Variants in STK32A observed in about 807,000 individuals in gnomAD.
STK32A encodes the protein serine/threonine kinase 32A.
Under a neutral mutation model 53.2 loss-of-function variants are expected in STK32A, and 41 were observed. The observed-to-expected ratio is 0.77, with a 90% CI of 0.60 to 1.00. The LOEUF (loss-of-function observed/expected upper bound fraction) is 1.00, where lower values mean the gene tolerates loss of function less well. STK32A is among the 50% of genes least tolerant of loss of function. The pLI, the probability that STK32A is intolerant of heterozygous loss-of-function variation, is 0.00. For synonymous variants in STK32A, 166 were observed against 162.8 expected, an observed-to-expected ratio of 1.02 and a Z score of -0.15; for missense variants, 458 against 485.8, an observed-to-expected ratio of 0.94 and a Z score of 0.54.
At chr5:147,255,662 C>A (rs1029192780) in intron 2 of STK32A, among the ~76,000 whole-genome samples, 3 of 152,128 alleles carry the variant, frequency 2.0e-5, no homozygotes, top group African/African-American at 7.2e-5. Flanking sequence ...GCAAACTACC[C>A]CTCTTTCTGC....
At chr5:147,247,004 G>GT (rs1410290313) in intron 2 of STK32A, among the ~76,000 whole-genome samples, 4 of 152,152 alleles carry the variant, frequency 2.6e-5, no homozygotes, top group African/African-American at 9.7e-5. Context: ...TGATTATTAA[G>GT]TAACACTCAT....
chr5:147,315,835 T>C (rs1753966938), intron 4 of STK32A, among the ~76,000 whole-genome samples: 1 of 152,200 alleles, frequency 6.6e-6, no homozygotes, highest in Non-Finnish European at 1.5e-5. Context: ...CAGTATACCT[T>C]GTTTTTCGTA....
chr5:147,342,778 C>A, intron 5 of STK32A: 1 of 516,040 alleles, frequency 1.9e-6, no homozygotes, highest in Non-Finnish European at 3.4e-6. Flanking sequence ...GAGCCCATTT[C>A]TTCCATTTAC....
chr5:147,264,563 T>C (rs1255337378), intron 2 of STK32A, among the ~76,000 whole-genome samples: 2 of 152,350 alleles, frequency 1.3e-5, no homozygotes, highest in East Asian at 3.9e-4. Flanking sequence ...CAATTGAGCC[T>C]ACCATTTCTG....
In STK32A at chr5:147,271,081, C is replaced by T. The variant is rs367981070; in HGVS notation, c.53-7043C>T. Among the ~76,000 whole-genome samples, 11 of 152,090 alleles carry T rather than the reference C, an allele frequency of 7.2e-5. No individual in the cohort carries two copies. In the East Asian group the frequency reaches 7.7e-4, roughly 11 times the overall value. Reference sequence around the variant, plus strand: ...CACAGTCTTGGCTCACTGCAATGTCCGCCTCCTGGGTTCAAGGGTGTTGCA... The same window carrying T: ...CACAGTCTTGGCTCACTGCAATGTCTGCCTCCTGGGTTCAAGGGTGTTGCA... On this transcript the variant is annotated intron_variant, in intron 2 of 12. Transcript: ENST00000397936.
At chr5:147,383,379 T>C in intron 11 of STK32A, 62 bp from the exon 12 acceptor site, 2 of 1,395,210 alleles carry the variant, frequency 1.4e-6, no homozygotes, top group Non-Finnish European at 2.0e-6. Flanking sequence ...TTATTGGCTG[T>C]TTGAAGATTC....
chr5:147,238,101 T>C (rs912063280), intron 1 of STK32A, among the ~76,000 whole-genome samples: 1 of 152,268 alleles, frequency 6.6e-6, no homozygotes, highest in African/African-American at 2.4e-5. Context: ...TGACCATATA[T>C]GTGCTAAGCA....
intron 6 of STK32A, among the ~76,000 whole-genome samples, chr5:147,350,665 G>A (rs1755926375): frequency 6.6e-6 from 1 of 152,024 alleles, no homozygotes; most frequent in Admixed American, 6.6e-5. Context: ...ACCACGCCCA[G>A]CCTATTTGCC....
chr5:147,337,635 G>A (rs1561730322), intron 5 of STK32A, among the ~76,000 whole-genome samples: 1 of 152,036 alleles, frequency 6.6e-6, no homozygotes, highest in Non-Finnish European at 1.5e-5. Context: ...GTACTTTTAT[G>A]AGTCCAGGGG....
At chr5:147,378,092 G>C (rs929174109) in intron 11 of STK32A, among the ~76,000 whole-genome samples, 3 of 151,946 alleles carry the variant, frequency 2.0e-5, no homozygotes, top group Admixed American at 6.6e-5. Context: ...TTATTAACAT[G>C]CTCGTTCATT....
chr5:147,363,694 TC>T (rs1756617590), intron 8 of STK32A, among the ~76,000 whole-genome samples: 1 of 152,202 alleles, frequency 6.6e-6, no homozygotes, highest in Non-Finnish European at 1.5e-5. Context: ...GCTAGTATAA[TC>T]CCATCTTTAT....
chr5:147,383,038 C>T (rs572277643), intron 11 of STK32A: 139 of 195,104 alleles, frequency 7.1e-4, no homozygotes, highest in African/African-American at 3.3e-3. Context: ...CAAACTGCTC[C>T]GGAACATGTG....
At chr5:147,293,483 A>T (rs889825509) in intron 4 of STK32A, among the ~76,000 whole-genome samples, 404 of 27,482 alleles carry the variant, frequency 0.015, 2 homozygotes, top group African/African-American at 0.061. Flanking sequence ...TCGAGGTAAA[A>T]AAAAAAAAAA....
chr5:147,361,341 A>G (rs1262696276), intron 7 of STK32A, among the ~76,000 whole-genome samples, 176 bp from the exon 8 acceptor site: 1 of 152,192 alleles, frequency 6.6e-6, no homozygotes, highest in Non-Finnish European at 1.5e-5. Flanking sequence ...CTACTGAGAG[A>G]GATTAGAAAA....
intron 8 of STK32A, 68 bp downstream of exon 8, chr5:147,361,682 T>G: frequency 3.3e-4 from 293 of 880,554 alleles, no homozygotes; most frequent in Non-Finnish European, 4.3e-4. Context: ...AAAGAATGTA[T>G]TGTTTGCTAA....
At chr5:147,337,976 G>A (rs1023331579) in intron 5 of STK32A, among the ~76,000 whole-genome samples, 12 of 152,236 alleles carry the variant, frequency 7.9e-5, no homozygotes, top group Non-Finnish European at 1.6e-4. Context: ...GATTATTGGA[G>A]GCAAGTCAAG....
chr5:147,397,768 C>G, the STK32A span: 1 of 1,614,178 alleles, frequency 6.2e-7, no homozygotes. Flanking sequence ...CATCTTCCAG[C>G]ATGATCTTGC....
At position 147,356,207 on chromosome 5, in the gene STK32A, C is replaced by A. The variant is rs532203635; in HGVS notation, c.562+5053C>A. ...ATTAAACCCAAGTCTAGAAACATGC[C>A]GTGCCTGAGACATGGACGATGATGT... On this transcript the variant is annotated intron_variant, in intron 7 of 12. Transcript: ENST00000397936. 2.0e-5 allele frequency among the ~76,000 whole-genome samples: 3 copies of A among 152,086 alleles called. No individual in the cohort carries two copies. The South Asian group carries it at 6.2e-4, about 32-fold the overall frequency.
chr5:147,269,071 C>G (rs1328721654), intron 2 of STK32A, among the ~76,000 whole-genome samples: 6 of 152,120 alleles, frequency 3.9e-5, no homozygotes, highest in African/African-American at 1.4e-4. Context: ...TACTTTGTGG[C>G]CTTGAGAAAG....
Sources: gnomAD v4.1 joint callset for allele counts (sites outside exome capture counted in the v4.1 genomes callset) on GRCh38, gnomAD v4.1.1 for gene constraint, MANE v1.5 for transcripts, NCBI Gene and HGNC (gene_info 2026-07-23, HGNC 2026-07-21) for gene names.